Variants in NLRC5 observed in about 807,000 individuals in gnomAD.
NLRC5 encodes NLR family CARD domain containing 5, also known as protein NLRC5.
In NLRC5, 114 loss-of-function variants were observed where a neutral mutation model predicts 206.9. The ratio of observed to expected loss-of-function variants is 0.55; its 90% CI spans 0.47 to 0.64. The LOEUF (loss-of-function observed/expected upper bound fraction) is 0.64. NLRC5 is among the 30% of genes least tolerant of loss of function. The pLI, the probability that NLRC5 is intolerant of heterozygous loss-of-function variation, is 0.00. For missense variants in NLRC5, 2,008 were observed against 2,305.5 expected (o/e 0.87, Z 2.64); for synonymous variants, 952 against 962.8 (o/e 0.99, Z 0.21).
At chr16:57,079,772 A>C in intron 46 of NLRC5, 143 bp downstream of exon 46, 1 of 630,396 alleles carries the variant, frequency 1.6e-6, no homozygotes, top group Non-Finnish European at 2.8e-6. Context: ...GGGGAAGATC[A>C]TCCTTACTCA....
chr16:56,997,388 G>A (rs1241376961), intron 1 of NLRC5, among the ~76,000 whole-genome samples: 2 of 152,062 alleles, frequency 1.3e-5, no homozygotes. Flanking sequence ...TCCTTGTGCT[G>A]TAGTATTAAT....
intron 3 of NLRC5, 180 bp downstream of exon 3, chr16:57,021,187 C>T: frequency 1.7e-6 from 1 of 587,308 alleles, no homozygotes; most frequent in Non-Finnish European, 3.0e-6. Flanking sequence ...CTGCTGGGGC[C>T]TGGAGGACCC....
rs1043031542 is a variant in NLRC5, at chr16:57,032,123, A to G, written c.2477+660A>G. Among the ~76,000 whole-genome samples, 3 of 152,046 alleles carry G rather than the reference A, an allele frequency of 2.0e-5. No homozygotes were observed. In the East Asian group the frequency reaches 5.8e-4, roughly 29 times the overall value. On this transcript the variant is annotated intron_variant, in intron 11 of 48. Transcript: ENST00000688547. ...TATAATGACCTGGTAGTGTAGGACC[A>G]ATGTTGCTGGGTGCGGTGGCTCATG...
In NLRC5 at chr16:57,055,460, G is replaced by A. The variant is rs775771278; in HGVS notation, c.3687G>A (p.Gln1229=). 3.7e-6 allele frequency: 6 copies of A among 1,613,870 alleles called. No homozygotes were observed. Among genetic ancestry groups the A allele is most frequent in the Non-Finnish European group, 5.1e-6 (6 of 1,179,950 alleles). Residue 1229 remains glutamine, a synonymous_variant, in exon 27 of 49, where the codon CAG becomes CAA. Coordinates refer to ENST00000688547, the MANE Select transcript of NLRC5 (RefSeq NM_001384950.1). ...GGTTCACAGGCTGCAGCCTCAGCCAGGAGCACGTAGAGTCACTCTGCTGGT... is the reference window on the plus strand; with the variant it reads ...GGTTCACAGGCTGCAGCCTCAGCCAAGAGCACGTAGAGTCACTCTGCTGGT... ...CGRFTGCSLS[Q]EHVESLCWLL...
At chr16:57,035,123 C>G (rs535243893) in intron 13 of NLRC5, among the ~76,000 whole-genome samples, 2 of 152,298 alleles carry the variant, frequency 1.3e-5, no homozygotes, top group South Asian at 4.1e-4. Context: ...GCAGAAGCAG[C>G]CCCATCACCC....
rs78601172 is a variant in NLRC5, at chr16:57,015,945, A to G, written c.-127-1129A>G. On this transcript the variant is annotated intron_variant, in intron 1 of 48. Transcript: ENST00000688547. ...CATCTCAAAAAAAAAAAAAAAAAAA[A>G]AAAGAAAGAAAAGAAAAGAAGCACT... Among the ~76,000 whole-genome samples the G allele has an allele frequency of 7.4e-4, 41 of 55,648 alleles. 1 individual carries two copies. Among genetic ancestry groups the G allele is most frequent in the South Asian group, 5.1e-3 (11 of 2,148 alleles). 36.5% of individuals were successfully genotyped at this position (55,648 alleles called of 152,430 possible). A position where few individuals can be genotyped will look rare whatever the true frequency, so the allele number is the denominator to read the frequency against.
chr16:57,000,697 G>A (rs1297730257), intron 1 of NLRC5, among the ~76,000 whole-genome samples: 5 of 152,186 alleles, frequency 3.3e-5, no homozygotes, highest in African/African-American at 1.2e-4. Flanking sequence ...CAACAGAGAC[G>A]ATGGTTTTCA....
intron 3 of NLRC5, among the ~76,000 whole-genome samples, chr16:57,021,705 A>G (rs1597198130): frequency 2.6e-5 from 4 of 152,298 alleles, no homozygotes; most frequent in South Asian, 2.1e-4. Flanking sequence ...GTTTTGCAAC[A>G]TGGTCAGAAA....
chr16:57,018,175 G>A (rs1316703452), intron 2 of NLRC5, among the ~76,000 whole-genome samples: 3 of 152,188 alleles, frequency 2.0e-5, no homozygotes, highest in Admixed American at 6.5e-5. Flanking sequence ...TTTCTTCATG[G>A]GTAGCATGGA....
chr16:57,079,297 G>C lies in NLRC5; in HGVS notation c.5237+5G>C. The C allele has an allele frequency of 6.2e-7, 1 of 1,613,276 alleles. No homozygotes were observed. Among genetic ancestry groups the C allele is most frequent in the Non-Finnish European group, 8.5e-7 (1 of 1,179,978 alleles). On this transcript the variant is annotated splice_donor_5th_base_variant and intron_variant, in intron 45 of 48. Transcript: ENST00000688547. ...CCCGCTGCTCAGACAGATAGAGTAAGTAGCCTCCCCTGCCTGCCTAGGGGA... is the reference window on the plus strand; with the variant it reads ...CCCGCTGCTCAGACAGATAGAGTAACTAGCCTCCCCTGCCTGCCTAGGGGA...
At chr16:56,997,152 G>A (rs1567498751) in intron 1 of NLRC5, among the ~76,000 whole-genome samples, 2 of 152,202 alleles carry the variant, frequency 1.3e-5, no homozygotes, top group Non-Finnish European at 2.9e-5. Flanking sequence ...AATTACAGGT[G>A]TGAGCCACTG....
At chr16:57,034,953 C>T (rs1298841734) in intron 13 of NLRC5, 2 of 152,178 alleles carry the variant, frequency 1.3e-5, no homozygotes, top group Non-Finnish European at 2.9e-5. Flanking sequence ...CAGGGTAAGA[C>T]GGATAGGGGT....
At chr16:57,043,870 A>G (rs1027234353) in intron 20 of NLRC5, 10 of 524,052 alleles carry the variant, frequency 1.9e-5, no homozygotes, top group Non-Finnish European at 2.7e-5. Context: ...CGTTCTTTGG[A>G]TAGTCCTTAG....
intron 38 of NLRC5, among the ~76,000 whole-genome samples, chr16:57,071,088 GTGT>G (rs1186929061): frequency 7.2e-6 from 1 of 138,262 alleles, no homozygotes; most frequent in Non-Finnish European, 1.6e-5. Flanking sequence ...TGAGTGAGTG[GTGT>G]TGGTGGTTAA....
intron 24 of NLRC5, among the ~76,000 whole-genome samples, chr16:57,053,933 G>A (rs1358452127): frequency 6.6e-6 from 1 of 152,112 alleles, no homozygotes; most frequent in African/African-American, 2.4e-5. Flanking sequence ...CAGGGTGAAG[G>A]GTGCTGGGGG....
chr16:57,009,120 G>A (rs761756862), intron 1 of NLRC5, among the ~76,000 whole-genome samples: 10 of 151,746 alleles, frequency 6.6e-5, no homozygotes, highest in Admixed American at 2.6e-4. Flanking sequence ...GTGAAACCCC[G>A]TCTCTACCAA....
intron 42 of NLRC5, 58 bp from the exon 43 acceptor site, chr16:57,077,885 G>A: frequency 3.7e-6 from 6 of 1,606,752 alleles, no homozygotes; most frequent in Non-Finnish European, 5.1e-6. Flanking sequence ...CACAGGGCAG[G>A]GCGGGGGTCC....
Position 57,033,624 on chromosome 16 carries a change from G to A in NLRC5, c.2498G>A (p.Ser833Asn), listed in dbSNP as rs35534915. The change falls in exon 12 of 49, where the codon AGT (serine) becomes AAT (asparagine). Residue 833 changes from serine to asparagine, a missense_variant. Physicochemically the swap from Ser to Asn is conservative, Grantham distance 46 (BLOSUM62 1). Coordinates refer to ENST00000688547, the MANE Select transcript of NLRC5 (RefSeq NM_001384950.1). ...ELQRAPDLQESDGQRKGAQSR... is the reference protein window; with the variant it reads ...ELQRAPDLQENDGQRKGAQSR... ...GCCAGAGCTCCAGACCTGCAGGAAA[G>A]TGACGGCCAGAGGAAAGGGGCTCAG... The A allele has an allele frequency of 4.2e-5, 68 of 1,614,052 alleles. No homozygotes were observed. In the African/African-American group the frequency reaches 6.9e-4, roughly 16 times the overall value.
At chr16:57,050,349 C>G (rs1369833828) in intron 23 of NLRC5, among the ~76,000 whole-genome samples, 2 of 152,234 alleles carry the variant, frequency 1.3e-5, no homozygotes, top group African/African-American at 4.8e-5. Context: ...CCGCCCTACC[C>G]TGCCCCCCAG....
Sources: allele counts gnomAD v4.1 joint callset (sites outside exome capture counted in the v4.1 genomes callset), GRCh38; gene constraint gnomAD v4.1.1; transcripts MANE v1.5; gene names NCBI Gene and HGNC (gene_info 2026-07-23, HGNC 2026-07-21).